CTNNA2: variants seen among roughly 807,000 people sequenced by gnomAD.
CTNNA2 encodes the protein catenin alpha-2.
CTNNA2 carries 42 observed loss-of-function variants against 101.0 expected under a neutral mutation model. That is an observed-to-expected ratio of 0.42 (90% confidence interval 0.32 to 0.54). CTNNA2 has a LOEUF of 0.54. Among genes scored for constraint, CTNNA2 ranks in the 20% least tolerant of loss-of-function variants. The pLI is 0.14. For missense variants in CTNNA2, 871 were observed against 1,223.1 expected (o/e 0.71, Z 4.29); for synonymous variants, 450 against 456.4 (o/e 0.99, Z 0.18).
intron 3 of CTNNA2, among the ~76,000 whole-genome samples, chr2:79,847,542 C>CA (rs70940050): frequency 0.64 from 25,520 of 40,150 alleles, 11,698 homozygotes; most frequent in Non-Finnish European, 0.86. Flanking sequence ...GACTCTGTCT[C>CA]AAAAAAAAAA....
chr2:79,403,168 T>C (rs1678307695), intron 4 of CTNNA2, among the ~76,000 whole-genome samples: 1 of 151,828 alleles, frequency 6.6e-6, no homozygotes, highest in Non-Finnish European at 1.5e-5. Context: ...ATGTTCTTAA[T>C]GTCTTCATAC....
At chr2:80,429,121 G>A (rs769576950) in intron 9 of CTNNA2, among the ~76,000 whole-genome samples, 8 of 151,764 alleles carry the variant, frequency 5.3e-5, no homozygotes, top group East Asian at 1.9e-4. Context: ...ATTCTCCTCC[G>A]TAATTTAAGA....
upstream of CTNNA2, among the ~76,000 whole-genome samples, chr2:79,510,649 T>C (rs1480939422): frequency 6.6e-6 from 1 of 152,226 alleles, no homozygotes; most frequent in Non-Finnish European, 1.5e-5. Flanking sequence ...CTTATCACTG[T>C]CTGATTGACA....
At chr2:79,807,735 G>C (rs1676690923) in intron 3 of CTNNA2, among the ~76,000 whole-genome samples, 1 of 152,142 alleles carries the variant, frequency 6.6e-6, no homozygotes, top group South Asian at 2.1e-4. Context: ...TGAAGTTACA[G>C]CTGTCCCATT....
At chr2:79,821,555 T>G (rs149692081) in intron 3 of CTNNA2, among the ~76,000 whole-genome samples, 1 of 152,130 alleles carries the variant, frequency 6.6e-6, no homozygotes, top group Non-Finnish European at 1.5e-5. Flanking sequence ...GAGAAGAAAA[T>G]GAAAGTTATT....
rs532163410 is a variant in CTNNA2 at position 80,171,357 on chromosome 2, G to T, written c.1057-221854G>T. ...AGATACCTTAGTACTGCTAAGTCCC[G>T]CCAATCTCAAATAAAGCAGAATGGA... On this transcript the variant is annotated intron_variant, in intron 7 of 18. Transcript: ENST00000402739. Among the ~76,000 whole-genome samples the T allele has an allele frequency of 3.3e-3, 505 of 152,316 alleles. 6 individuals are homozygous for T. Among genetic ancestry groups the T allele is most frequent in the Non-Finnish European group, 4.9e-3 (335 of 68,034 alleles).
intron 7 of CTNNA2, among the ~76,000 whole-genome samples, chr2:79,993,531 C>T (rs1383977914): frequency 6.6e-6 from 1 of 152,112 alleles, no homozygotes; most frequent in East Asian, 1.9e-4. Flanking sequence ...GGAGTAACAA[C>T]AAAGGTAGTA....
chr2:80,611,294 G>GA (rs1553409048), intron 17 of CTNNA2, among the ~76,000 whole-genome samples: 1 of 150,992 alleles, frequency 6.6e-6, no homozygotes, highest in Non-Finnish European at 1.5e-5. Context: ...ATTGAAAGCA[G>GA]AAAGAAAGAT....
chr2:80,216,509 C>G (rs147638950), intron 7 of CTNNA2, among the ~76,000 whole-genome samples: 91 of 152,282 alleles, frequency 6.0e-4, no homozygotes, highest in Non-Finnish European at 1.2e-3. Context: ...TTGGGAGTTA[C>G]TAGGTCGTGA....
chr2:80,104,015 T>A (rs1440274263), intron 7 of CTNNA2, among the ~76,000 whole-genome samples: 3 of 152,240 alleles, frequency 2.0e-5, no homozygotes, highest in Admixed American at 2.0e-4. Context: ...ATTATAGGCA[T>A]GATCTCTCAT....
At chr2:80,228,133 A>G (rs1313660072) in intron 7 of CTNNA2, among the ~76,000 whole-genome samples, 1 of 152,228 alleles carries the variant, frequency 6.6e-6, no homozygotes, top group Non-Finnish European at 1.5e-5. Context: ...ATCTGTGTTC[A>G]GCAAAATTTT....
intron 1 of CTNNA2, among the ~76,000 whole-genome samples, chr2:79,191,996 T>C (rs1420986896): frequency 2.0e-5 from 3 of 152,166 alleles, no homozygotes; most frequent in Non-Finnish European, 4.4e-5. Context: ...GATCAGCTGT[T>C]GTGTCAAAAC....
intron 8 of CTNNA2, among the ~76,000 whole-genome samples, chr2:80,394,338 T>C (rs1373924761): frequency 6.6e-6 from 1 of 152,222 alleles, no homozygotes; most frequent in African/African-American, 2.4e-5. Context: ...TTGGCTTTTA[T>C]CAAGACATCA....
intron 17 of CTNNA2, among the ~76,000 whole-genome samples, chr2:80,613,294 T>C (rs1178657746): frequency 6.6e-6 from 1 of 151,508 alleles, no homozygotes; most frequent in Admixed American, 6.6e-5. Flanking sequence ...ACCCAAATTA[T>C]AGACACCCTC....
At chr2:80,433,997 G>A (rs538422960) in intron 9 of CTNNA2, among the ~76,000 whole-genome samples, 1 of 152,296 alleles carries the variant, frequency 6.6e-6, no homozygotes, top group Non-Finnish European at 1.5e-5. Flanking sequence ...TAGAATTGTG[G>A]AAGAAAGGCT....
In CTNNA2 at chr2:79,210,056, T is replaced by A. The variant is rs945928458; in HGVS notation, c.-406+11980T>A. The stretch of plus-strand genomic sequence containing the variant: ...TTTCTACCAGAAGGCACACCCTAGA[T>A]GCCCAATTTGAGATTACAGAGTCAA... On this transcript the variant is annotated intron_variant, in intron 2 of 21. Coordinates refer to the CTNNA2 transcript ENST00000466387. 5.9e-5 allele frequency among the ~76,000 whole-genome samples: 8 copies of A among 136,714 alleles called. No homozygotes were observed. In the East Asian group the frequency reaches 1.7e-3, roughly 29 times the overall value. 89.7% of individuals were successfully genotyped at this position (136,714 alleles called of 152,430 possible). A position where few individuals can be genotyped will look rare whatever the true frequency, so the allele number is the denominator to read the frequency against.
At chr2:79,486,307 G>A (rs1184649289) in intron 4 of CTNNA2, among the ~76,000 whole-genome samples, 1 of 148,498 alleles carries the variant, frequency 6.7e-6, no homozygotes, top group African/African-American at 2.5e-5. Flanking sequence ...TCCCACCTAT[G>A]AGTGAGAACA....
At chr2:79,189,147 A>G (rs763330276) in intron 1 of CTNNA2, among the ~76,000 whole-genome samples, 8 of 152,232 alleles carry the variant, frequency 5.3e-5, no homozygotes, top group Non-Finnish European at 1.0e-4. Flanking sequence ...CAATAAAGGA[A>G]TAAAGTTAAA....
intron 2 of CTNNA2, among the ~76,000 whole-genome samples, chr2:79,684,321 T>C (rs1006621152): frequency 3.3e-5 from 5 of 152,230 alleles, no homozygotes; most frequent in African/African-American, 1.2e-4. Flanking sequence ...TTGTATAATT[T>C]ATTCTACATA....
Sources: allele counts gnomAD v4.1 joint callset (sites outside exome capture counted in the v4.1 genomes callset), GRCh38; gene constraint gnomAD v4.1.1; transcripts MANE v1.5; gene names NCBI Gene and HGNC (gene_info 2026-07-23, HGNC 2026-07-21).